The following SLC22A6 variants were observed in gnomAD, a reference collection of about 807,000 sequenced individuals.
SLC22A6 encodes the protein solute carrier family 22 member 6.
SLC22A6 carries 45 observed loss-of-function variants against 56.7 expected under a neutral mutation model. The observed-to-expected ratio is 0.79, with a 90% CI of 0.63 to 1.02. The LOEUF is 1.02. Ranked by LOEUF, SLC22A6 falls within the 50% of genes least tolerant of loss-of-function variation. The pLI is 0.00. For missense variants in SLC22A6, 606 were observed against 713.8 expected (o/e 0.85, Z 1.72); for synonymous variants, 291 against 295.9 (o/e 0.98, Z 0.17).
chr11:62,977,572 G>T (rs1462223891), intron 8 of SLC22A6, among the ~76,000 whole-genome samples, 185 bp from the exon 9 acceptor site: 3 of 152,074 alleles, frequency 2.0e-5, no homozygotes, highest in Non-Finnish European at 4.4e-5. Flanking sequence ...TAGGGTCTCT[G>T]TGTTGCCAGG....
intron 8 of SLC22A6, among the ~76,000 whole-genome samples, chr11:62,979,244 C>T (rs558965018): frequency 1.3e-5 from 2 of 152,276 alleles, no homozygotes; most frequent in Non-Finnish European, 2.9e-5. Context: ...CCTTACCCTG[C>T]CCCAGTTGGT....
chr11:62,980,816 C>T (rs931521840), intron 6 of SLC22A6, among the ~76,000 whole-genome samples, 169 bp downstream of exon 6: 2 of 152,226 alleles, frequency 1.3e-5, no homozygotes, highest in Non-Finnish European at 2.9e-5. Flanking sequence ...GGGACTGAGT[C>T]AAGGCTGGGG....
intron 9 of SLC22A6, 149 bp downstream of exon 9, chr11:62,977,035 A>G: frequency 1.3e-6 from 2 of 1,540,450 alleles, no homozygotes; most frequent in South Asian, 1.2e-5. Context: ...ATCCCCAGGA[A>G]GGATTCTAGG....
At chr11:62,981,693 T>C in intron 4 of SLC22A6, 149 bp downstream of exon 4, 1 of 808,276 alleles carries the variant, frequency 1.2e-6, no homozygotes, top group Non-Finnish European at 1.9e-6. Flanking sequence ...CAGCCTTGGT[T>C]TCCCTATCTG....
chr11:62,980,963 C>A, intron 6 of SLC22A6, 22 bp downstream of exon 6: 1 of 1,572,416 alleles, frequency 6.4e-7, no homozygotes, highest in South Asian at 1.2e-5. Context: ...TTGTCTCAGT[C>A]TGTCTGTCTT....
At chr11:62,979,634 G>A (rs1403047604) in intron 7 of SLC22A6, 38 bp from the exon 8 acceptor site, 2 of 1,594,318 alleles carry the variant, frequency 1.3e-6, no homozygotes, top group African/African-American at 1.3e-5. Context: ...GAGCTTGGGA[G>A]TGGAGGCTAG....
In SLC22A6 at chr11:62,976,772, C is replaced by T; in HGVS notation, c.*22G>A. On this transcript the variant is annotated 3_prime_UTR_variant, in exon 10 of 10. Coordinates refer to ENST00000360421, the MANE Select transcript of SLC22A6 (RefSeq NM_153276.3). ...TAGGACCTTCCCTCCCTTTAGGGTT[C>T]TGTAAGGCCCCTTCTCAGTCCTCAG... is the stretch of plus-strand genomic sequence containing the variant. The T allele has an allele frequency of 1.3e-6, 2 of 1,598,334 alleles. No individual in the cohort carries two copies. The highest frequency in any genetic ancestry group is 2.2e-5 in the South Asian group (2 of 89,016).
At chr11:62,981,803 C>T in intron 4 of SLC22A6, 39 bp downstream of exon 4, 1 of 1,563,766 alleles carries the variant, frequency 6.4e-7, no homozygotes, top group East Asian at 2.3e-5. Flanking sequence ...AGCCTCTGGG[C>T]TCCTGTGGCA....
In SLC22A6 at chr11:62,981,047, C is replaced by A; in HGVS notation, c.975G>T (p.Ser325=). 6.2e-7 allele frequency: 1 copy of A among 1,612,564 alleles called. No individual in the cohort carries two copies. Among genetic ancestry groups the A allele is most frequent in the Non-Finnish European group, 8.5e-7 (1 of 1,178,856 alleles). ...TGGGGCAGCGCAGCAGCTCCATGGC[C>A]GATGCCTGGCCTTTGCCCATGGTCA... is the stretch of plus-strand genomic sequence containing the variant. The part of the protein sequence containing the change: ...KELTMGKGQA[S]AMELLRCPTL... Residue 325 remains serine (S), a synonymous_variant, in exon 6 of 10, where the codon TCG becomes TCT. Transcript: ENST00000360421.
chr11:62,979,833 C>T lies in SLC22A6; in HGVS notation c.1153G>A (p.Gly385Ser), dbSNP rs758135809. The change falls in exon 7 of 10, where the codon GGC becomes AGC. Residue 385 changes from glycine (G) to serine (S), a missense_variant. Physicochemically the swap from Gly to Ser is moderately conservative, Grantham distance 56. Transcript: ENST00000360421. ...GAVDLPAKLV[G>S]FLVINSLGRR... ...CCCAGGGAGTTGATGACAAGGAAGC[C>T]CACAAGCTTGGCAGGCAGGTCCACA... 1 of 1,614,188 alleles carries T rather than the reference C, an allele frequency of 6.2e-7. No individual in the cohort carries two copies. Among genetic ancestry groups the T allele is most frequent in the Non-Finnish European group, 8.5e-7 (1 of 1,180,032 alleles).
chr11:62,979,335 A>G (rs1306406187), intron 8 of SLC22A6, among the ~76,000 whole-genome samples, 153 bp downstream of exon 8: 1 of 152,098 alleles, frequency 6.6e-6, no homozygotes, highest in Admixed American at 6.5e-5. Context: ...TGAGGTGTGT[A>G]CTCAGTGGCT....
In SLC22A6 at chr11:62,976,881, C is replaced by A; in HGVS notation, c.1566G>T (p.Arg522Ser). Residue 522 changes from arginine (R) to serine (S), a missense_variant and splice_region_variant, in exon 10 of 10, where the codon AGG (arginine) becomes AGT (serine). Arg to Ser is a moderately radical substitution (Grantham distance 110, BLOSUM62 -1). Coordinates refer to ENST00000360421, the MANE Select transcript of SLC22A6 (RefSeq NM_153276.3). Reference sequence around the variant, plus strand: ...GTTGCTGTCGCGTCTGTTTCCCTTTCCTGCAGGGCGGCAGAAGAATGGCAC... The same window carrying A: ...GTTGCTGTCGCGTCTGTTTCCCTTTACTGCAGGGCGGCAGAAGAATGGCAC... ...LPDTVQDLESRKGKQTRQQQE... is the reference protein window; with the variant it reads ...LPDTVQDLESSKGKQTRQQQE... 6.2e-7 allele frequency: 1 copy of A among 1,613,882 alleles called. No homozygotes were observed. Among genetic ancestry groups the A allele is most frequent in the South Asian group, 1.1e-5 (1 of 91,040 alleles).
intron 1 of SLC22A6, 48 bp downstream of exon 1, chr11:62,984,274 C>A (rs776002048): frequency 9.5e-6 from 15 of 1,575,310 alleles, no homozygotes; most frequent in Middle Eastern, 3.5e-4. Flanking sequence ...TAACAAAGGC[C>A]CCCATCTTCC....
chr11:62,983,280 G>A lies in SLC22A6; in HGVS notation c.628+257C>T, dbSNP rs1006250996. ...AGGATGGTCTCGATCTCCTGACCTCGTGATCTGCCCGCCTCGGCCTCCGAA... is the reference window on the plus strand; with the variant it reads ...AGGATGGTCTCGATCTCCTGACCTCATGATCTGCCCGCCTCGGCCTCCGAA... On this transcript the variant is annotated intron_variant, in intron 3 of 9. Transcript: ENST00000360421. The surrounding 1 kb of genome is among the most constrained non-coding windows in gnomAD (Gnocchi z 4.5). 2.0e-5 allele frequency among the ~76,000 whole-genome samples: 3 copies of A among 152,106 alleles called. No homozygotes were observed. Among genetic ancestry groups the A allele is most frequent in the African/African-American group, 7.2e-5 (3 of 41,422 alleles).
intron 4 of SLC22A6, 26 bp downstream of exon 4, chr11:62,981,816 C>A: frequency 2.5e-6 from 4 of 1,580,964 alleles, no homozygotes; most frequent in South Asian, 1.2e-5. Context: ...CTGTGGCAAC[C>A]ACCTCCAACC....
chr11:62,984,433 C>T lies in SLC22A6; in HGVS notation c.258G>A (p.Trp86Ter), dbSNP rs1234108606. ...CTGTGCCATTGAGAAAGGGCAGTCC[C>T]CACTGCGGGGAGGTGAAGCGGAGGC... is the stretch of plus-strand genomic sequence containing the variant. ...ESCLRFTSPQ[W>*]GLPFLNGTEA... is the part of the protein sequence containing the mutation. Residue 86 changes from tryptophan (W) to a stop codon, truncating the protein, a stop_gained, in exon 1 of 10, where the codon TGG becomes TGA. Coordinates refer to ENST00000360421, the MANE Select transcript of SLC22A6 (RefSeq NM_153276.3). LOFTEE classifies it high-confidence loss of function. 5 of 1,613,852 alleles carry T rather than the reference C, an allele frequency of 3.1e-6. No individual in the cohort carries two copies. The highest frequency in any genetic ancestry group is 4.2e-6 in the Non-Finnish European group (5 of 1,180,014).
chr11:62,983,686 C>T lies in SLC22A6; in HGVS notation c.479G>A (p.Gly160Asp), dbSNP rs1294645042. 6.2e-7 allele frequency: 1 copy of T among 1,608,454 alleles called. No individual in the cohort carries two copies. Among genetic ancestry groups the T allele is most frequent in the Non-Finnish European group, 8.5e-7 (1 of 1,177,534 alleles). Residue 160 changes from glycine to aspartate, a missense_variant, in exon 3 of 10, where the codon GGC becomes GAC. By Grantham distance (94) the Gly-to-Asp change is moderately conservative (BLOSUM62 -1). Transcript: ENST00000360421. This position sits in a 1 kb window ranked among gnomAD's most constrained non-coding sequence, Gnocchi z 4.5. ...MVFGYLADRL[G>D]RRKVLILNYL... is the part of the protein sequence containing the mutation. The stretch of plus-strand genomic sequence containing the variant: ...GTTCAAGATGAGTACCTTCCGGCGG[C>T]CTAGCCTGTGGGAGGAGGGGAGACT...
chr11:62,981,247 C>G lies in SLC22A6; in HGVS notation c.921+13G>C, dbSNP rs774014383. 7 of 1,609,574 alleles carry G rather than the reference C, an allele frequency of 4.3e-6. No homozygotes were observed. In the African/African-American group the frequency reaches 8.0e-5, roughly 18 times the overall value. On this transcript the variant is annotated intron_variant, in intron 5 of 9. Transcript: ENST00000360421. ...CCTGGGAGGTTATCATGGGAAGTCT[C>G]AGGGGATCTCACCTCCATACTCAAT...
intron 4 of SLC22A6, 151 bp from the exon 5 acceptor site, chr11:62,981,534 A>C (rs2086255513): frequency 3.2e-6 from 2 of 634,292 alleles, no homozygotes; most frequent in Admixed American, 5.8e-5. Flanking sequence ...CTCTAGGACC[A>C]CGAGGCAGTG....
Sources: allele counts gnomAD v4.1 joint callset (sites outside exome capture counted in the v4.1 genomes callset), GRCh38; gene constraint gnomAD v4.1.1; non-coding constraint Gnocchi (gnomAD v3.1); transcripts MANE v1.5; gene names NCBI Gene and HGNC (gene_info 2026-07-23, HGNC 2026-07-21).